BMP7: variants seen among roughly 807,000 people sequenced by gnomAD.
BMP7 encodes the protein bone morphogenetic protein 7, also known as osteogenic protein 1.
BMP7 carries 12 observed loss-of-function variants against 41.2 expected under a neutral mutation model. The ratio of observed to expected loss-of-function variants is 0.29; its 90% CI spans 0.19 to 0.47. The LOEUF (loss-of-function observed/expected upper bound fraction) is 0.47. Among genes scored for constraint, BMP7 ranks in the 20% least tolerant of loss-of-function variants. The pLI, the probability that BMP7 is intolerant of heterozygous loss-of-function variation, is 0.99. For missense variants in BMP7, 467 were observed against 606.0 expected, an observed-to-expected ratio of 0.77 and a Z score of 2.41; for synonymous variants, 248 against 250.0, an observed-to-expected ratio of 0.99 and a Z score of 0.07.
rs975941030 is a variant in BMP7 at position 57,266,153 on chromosome 20, G to A, written c.-31C>T. The A allele has an allele frequency of 4.7e-6, 7 of 1,502,600 alleles. No individual in the cohort carries two copies. The African/African-American group carries it at 7.0e-5, about 15-fold the overall frequency. The allele number at this position is 1,502,600 out of a possible 1,614,324, so 93.1% of individuals were successfully genotyped here. A position where few individuals can be genotyped will look rare whatever the true frequency, so the allele number is the denominator to read the frequency against. On this transcript the variant is annotated 5_prime_UTR_variant, in exon 1 of 7. Transcript: ENST00000395863. ...CGGCTCTACGCGCTACCCGGGCTCC[G>A]GGCTCCGGGCCCGCACCGCCCCAGG...
rs531380685 is a variant in BMP7 at position 57,194,716 on chromosome 20, C to T, written c.760+7759G>A. On this transcript the variant is annotated intron_variant, in intron 3 of 6. Coordinates refer to ENST00000395863, the MANE Select transcript of BMP7 (RefSeq NM_001719.3). ...TAAGCCCGTTCCATGCATCGCTCCTCGCTGGAATCTCCCAAGGTAGAACTG... is the reference window on the plus strand; with the variant it reads ...TAAGCCCGTTCCATGCATCGCTCCTTGCTGGAATCTCCCAAGGTAGAACTG... 1.9e-4 allele frequency among the ~76,000 whole-genome samples: 29 copies of T among 152,368 alleles called. No individual in the cohort carries two copies. The South Asian group carries it at 5.8e-3, about 30-fold the overall frequency.
At chr20:57,173,515 A>G (rs924177455) in intron 5 of BMP7, 2 of 643,838 alleles carry the variant, frequency 3.1e-6, no homozygotes, top group African/African-American at 1.8e-5. Flanking sequence ...AAGAAGGACC[A>G]CTCTATAGTC....
chr20:57,204,867 C>T (rs1984696476), intron 2 of BMP7, among the ~76,000 whole-genome samples: 1 of 152,224 alleles, frequency 6.6e-6, no homozygotes, highest in Non-Finnish European at 1.5e-5. Flanking sequence ...TTTGTCCTTC[C>T]CAAGACTCAT....
intron 1 of BMP7, among the ~76,000 whole-genome samples, chr20:57,245,335 G>T (rs1223599563): frequency 6.6e-6 from 1 of 151,698 alleles, no homozygotes; most frequent in Non-Finnish European, 1.5e-5. Flanking sequence ...CAAAAAAGTG[G>T]TGTTTTTTTT....
chr20:57,250,120 G>C (rs1174883485), intron 1 of BMP7, among the ~76,000 whole-genome samples: 1 of 151,838 alleles, frequency 6.6e-6, no homozygotes, highest in Non-Finnish European at 1.5e-5. Context: ...ATCTGGCATG[G>C]GCTGGTCCTC....
At chr20:57,243,767 C>T (rs1317273518) in intron 1 of BMP7, 1 of 152,388 alleles carries the variant, frequency 6.6e-6, no homozygotes, top group African/African-American at 2.4e-5. Context: ...GTCTCACCCC[C>T]ACTGACACTC....
At chr20:57,175,436 C>T (rs896463243) in intron 4 of BMP7, among the ~76,000 whole-genome samples, 8 of 152,228 alleles carry the variant, frequency 5.3e-5, no homozygotes, top group African/African-American at 1.9e-4. Flanking sequence ...GGCCCCAACA[C>T]ACTCATCCCT....
intron 2 of BMP7, among the ~76,000 whole-genome samples, chr20:57,217,148 C>G (rs1025342384): frequency 2.0e-5 from 3 of 152,136 alleles, no homozygotes; most frequent in Non-Finnish European, 4.4e-5. Flanking sequence ...TTCCAGCTCT[C>G]AATCCCACTT....
chr20:57,258,950 T>A (rs1220092256), intron 1 of BMP7, among the ~76,000 whole-genome samples: 1 of 152,208 alleles, frequency 6.6e-6, no homozygotes, highest in African/African-American at 2.4e-5. Flanking sequence ...CCTCTGCGCA[T>A]GGGTGATATG....
chr20:57,204,793 T>C (rs1340385994), intron 2 of BMP7, among the ~76,000 whole-genome samples: 24 of 152,218 alleles, frequency 1.6e-4, no homozygotes, highest in Admixed American at 1.6e-3. Flanking sequence ...TTAAGTAATA[T>C]TCAATGACCC....
intron 2 of BMP7, among the ~76,000 whole-genome samples, chr20:57,212,077 G>A (rs1984900976): frequency 6.6e-6 from 1 of 152,176 alleles, no homozygotes; most frequent in Admixed American, 6.5e-5. Flanking sequence ...CAGAGGCTGG[G>A]CGTGCGTAGC....
At chr20:57,256,055 T>C (rs2066133126) in intron 1 of BMP7, among the ~76,000 whole-genome samples, 1 of 152,188 alleles carries the variant, frequency 6.6e-6, no homozygotes, top group Non-Finnish European at 1.5e-5. Flanking sequence ...GAAGTCACTT[T>C]ACAAGTGGGA....
chr20:57,178,977 T>G (rs1984003497), intron 4 of BMP7, among the ~76,000 whole-genome samples: 2 of 152,174 alleles, frequency 1.3e-5, no homozygotes, highest in Admixed American at 1.3e-4. Context: ...TCCCCAACCC[T>G]GTCTTAAAGT....
intron 2 of BMP7, among the ~76,000 whole-genome samples, chr20:57,221,385 T>C (rs1985185989): frequency 6.6e-6 from 1 of 152,194 alleles, no homozygotes; most frequent in African/African-American, 2.4e-5. Flanking sequence ...TTTACAGGAC[T>C]GGACTGCCAC....
intron 1 of BMP7, among the ~76,000 whole-genome samples, chr20:57,247,493 C>G (rs1310694716): frequency 6.6e-6 from 1 of 152,156 alleles, no homozygotes; most frequent in African/African-American, 2.4e-5. Context: ...TTTTTCAGAA[C>G]CACCTCTCAG....
intron 1 of BMP7, among the ~76,000 whole-genome samples, chr20:57,264,539 C>G (rs1164568645): frequency 6.6e-6 from 1 of 152,232 alleles, no homozygotes; most frequent in Non-Finnish European, 1.5e-5. Flanking sequence ...CTCCCCGGCC[C>G]TCGCTGCAGC....
intron 3 of BMP7, among the ~76,000 whole-genome samples, chr20:57,198,015 C>T (rs186645744): frequency 9.9e-5 from 15 of 151,986 alleles, no homozygotes; most frequent in Admixed American, 3.9e-4. Flanking sequence ...GGAGGAGCCC[C>T]GAGCTGCAGG....
At chr20:57,181,360 G>C (rs948734350) in intron 4 of BMP7, among the ~76,000 whole-genome samples, 8 of 152,020 alleles carry the variant, frequency 5.3e-5, no homozygotes, top group Admixed American at 4.6e-4. Context: ...GCCAGGTGTG[G>C]TGGCATCCAT....
chr20:57,229,770 C>T (rs1390991699), intron 1 of BMP7, among the ~76,000 whole-genome samples: 1 of 152,236 alleles, frequency 6.6e-6, no homozygotes, highest in Non-Finnish European at 1.5e-5. Context: ...CTTCAGCTCT[C>T]AGGCTGGGTT....
Sources: allele counts gnomAD v4.1 joint callset (sites outside exome capture counted in the v4.1 genomes callset), GRCh38; gene constraint gnomAD v4.1.1; transcripts MANE v1.5; gene names NCBI Gene and HGNC (gene_info 2026-07-23, HGNC 2026-07-21).